KDM4C: variants seen among roughly 807,000 people sequenced by gnomAD.
KDM4C encodes the protein lysine-specific demethylase 4C.
In KDM4C, 81 loss-of-function variants were observed where a neutral mutation model predicts 129.3. The observed-to-expected ratio is 0.63, with a 90% CI of 0.52 to 0.75. KDM4C has a LOEUF of 0.75. Among genes scored for constraint, KDM4C ranks in the 30% least tolerant of loss-of-function variants. The pLI, the probability that KDM4C is intolerant of heterozygous loss-of-function variation, is 0.00. For synonymous variants in KDM4C, 573 were observed against 456.1 expected (o/e 1.26, Z -3.26); for missense variants, 1,457 against 1,304.0 (o/e 1.12, Z -1.81).
intron 8 of KDM4C, among the ~76,000 whole-genome samples, chr9:6,934,793 A>G (rs1417866950): frequency 4.6e-5 from 7 of 152,086 alleles, no homozygotes; most frequent in African/African-American, 1.7e-4. Flanking sequence ...CTTTAATTGG[A>G]TATGAACTGA....
chr9:7,055,035 G>C (rs555793685), intron 17 of KDM4C, among the ~76,000 whole-genome samples: 4 of 152,142 alleles, frequency 2.6e-5, no homozygotes, highest in South Asian at 2.1e-4. Context: ...AAATTAGCCG[G>C]GTGTGGGTGG....
At chr9:6,726,007 A>G (rs1313807569) in intron 1 of KDM4C, among the ~76,000 whole-genome samples, 1 of 150,724 alleles carries the variant, frequency 6.6e-6, no homozygotes, top group Non-Finnish European at 1.5e-5. Context: ...GCTCACTGCA[A>G]CCTCCACCTC....
intron 1 of KDM4C, among the ~76,000 whole-genome samples, chr9:6,733,041 C>A (rs191130598): frequency 1.3e-5 from 2 of 152,086 alleles, no homozygotes; most frequent in East Asian, 3.9e-4. Flanking sequence ...AGTACCACCA[C>A]GTGGTTACAA....
rs1157920055 is a variant in KDM4C, at chr9:6,854,535, AAAAAAAAAAAC to A, written c.629+4847_629+4857del. On this transcript the variant is annotated intron_variant, in intron 5 of 21. Coordinates refer to ENST00000381309, the MANE Select transcript of KDM4C (RefSeq NM_015061.6). The stretch of plus-strand genomic sequence containing the variant: ...AGCGAAACTCCGTCTCAAAAAAAAA[AAAAAAAAAAAC>A]AAAAAAAAAACTAACTTTCAAATTT... Among the ~76,000 whole-genome samples the A allele has an allele frequency of 6.5e-3, 955 of 147,270 alleles. 16 individuals are homozygous for A. The highest frequency in any genetic ancestry group is 0.023 in the African/African-American group (901 of 39,344).
At chr9:6,814,203 A>C (rs995128848) in intron 3 of KDM4C, among the ~76,000 whole-genome samples, 2 of 152,202 alleles carry the variant, frequency 1.3e-5, no homozygotes, top group African/African-American at 4.8e-5. Context: ...TAATAACTGC[A>C]AAATATCTTA....
At chr9:6,766,460 T>A (rs1188756769) in intron 1 of KDM4C, among the ~76,000 whole-genome samples, 1 of 152,054 alleles carries the variant, frequency 6.6e-6, no homozygotes, top group African/African-American at 2.4e-5. Context: ...GTTGGCCCCC[T>A]TTAGTGGGGG....
chr9:7,094,716 T>G (rs1836217446), intron 17 of KDM4C, among the ~76,000 whole-genome samples: 1 of 152,232 alleles, frequency 6.6e-6, no homozygotes, highest in Non-Finnish European at 1.5e-5. Context: ...GGGACATGTC[T>G]GCACTGCATT....
intron 1 of KDM4C, among the ~76,000 whole-genome samples, chr9:6,725,704 TTCTTTTC>T (rs1817100243): frequency 7.2e-6 from 1 of 138,866 alleles, no homozygotes; most frequent in Non-Finnish European, 1.6e-5. Context: ...TTCTTTTCTT[TTCTTTTC>T]TTTTTTTTTT....
chr9:6,827,209 T>A (rs1424280725), intron 4 of KDM4C, among the ~76,000 whole-genome samples: 1 of 152,256 alleles, frequency 6.6e-6, no homozygotes, highest in East Asian at 1.9e-4. Flanking sequence ...TTCCTAGCTG[T>A]GACTTTCAGG....
intron 8 of KDM4C, among the ~76,000 whole-genome samples, chr9:6,950,149 T>A (rs1156804102): frequency 6.8e-6 from 1 of 147,428 alleles, no homozygotes; most frequent in African/African-American, 2.5e-5. Context: ...CAGCATACAA[T>A]GTGATGTTTT....
chr9:6,740,956 C>T lies in KDM4C; in HGVS notation c.49+19959C>T, dbSNP rs765257494. ...GATTCTGCCTCAGTCTCCTGAGTAG[C>T]TGGGACTACAGACGCATGCCACCAT... is the stretch of plus-strand genomic sequence containing the variant. On this transcript the variant is annotated intron_variant, in intron 1 of 17. Transcript: ENST00000536108. 6.6e-5 allele frequency among the ~76,000 whole-genome samples: 10 copies of T among 151,590 alleles called. No individual in the cohort carries two copies. The South Asian group carries it at 1.5e-3, about 22-fold the overall frequency.
intron 17 of KDM4C, among the ~76,000 whole-genome samples, chr9:7,094,537 C>A (rs1836188381): frequency 6.6e-6 from 1 of 152,048 alleles, no homozygotes; most frequent in Non-Finnish European, 1.5e-5. Context: ...CTTGTAGCAA[C>A]CATCTGAGAT....
In KDM4C at chr9:6,763,538, T is replaced by C. The variant is rs1020406119; in HGVS notation, c.-18+5335T>C. On this transcript the variant is annotated intron_variant, in intron 1 of 21. Transcript: ENST00000381309. The stretch of plus-strand genomic sequence containing the variant: ...CCAGAGAAAGGTTCCCACAAAAATA[T>C]TGACAGTAGTTAGTAACTTCTGGGT... 3.9e-5 allele frequency among the ~76,000 whole-genome samples: 6 copies of C among 152,186 alleles called. No homozygotes were observed. The East Asian group carries it at 9.6e-4, about 24-fold the overall frequency.
At chr9:6,865,479 G>A (rs943186231) in intron 5 of KDM4C, among the ~76,000 whole-genome samples, 7 of 152,132 alleles carry the variant, frequency 4.6e-5, no homozygotes, top group African/African-American at 1.7e-4. Flanking sequence ...AGAAGGTCAT[G>A]GTTCCCTGTT....
intron 8 of KDM4C, among the ~76,000 whole-genome samples, chr9:6,944,652 G>GTTTTTTTTTTTTTTCT (rs1826564066): frequency 1.2e-5 from 1 of 80,990 alleles, no homozygotes; most frequent in Non-Finnish European, 2.2e-5. Context: ...CAAGGTAGAG[G>GTTTTTTTTTTTTTTCT]TTTTTTTTTT....
intron 2 of KDM4C, among the ~76,000 whole-genome samples, chr9:6,799,294 A>G (rs1828439821): frequency 1.3e-5 from 2 of 152,222 alleles, no homozygotes; most frequent in Non-Finnish European, 2.9e-5. Context: ...TGAGTTAAGG[A>G]GACTCTGTCT....
chr9:6,927,205 C>T (rs1292594095), intron 8 of KDM4C, among the ~76,000 whole-genome samples: 1 of 152,074 alleles, frequency 6.6e-6, no homozygotes, highest in African/African-American at 2.4e-5. Flanking sequence ...TCTTGGCTCA[C>T]TGCAACCTCC....
intron 1 of KDM4C, among the ~76,000 whole-genome samples, chr9:6,739,038 G>A (rs1446810842): frequency 2.0e-5 from 3 of 150,958 alleles, no homozygotes; most frequent in African/African-American, 7.3e-5. Flanking sequence ...CTCCACATCC[G>A]GATTTTTTCC....
intron 17 of KDM4C, among the ~76,000 whole-genome samples, chr9:7,098,451 G>C (rs1836701024): frequency 6.6e-6 from 1 of 152,194 alleles, no homozygotes; most frequent in African/African-American, 2.4e-5. Flanking sequence ...TTAATGCTCT[G>C]AACTTGGAGT....
Sources: gnomAD v4.1 joint callset for allele counts (sites outside exome capture counted in the v4.1 genomes callset) on GRCh38, gnomAD v4.1.1 for gene constraint, MANE v1.5 for transcripts, NCBI Gene and HGNC (gene_info 2026-07-23, HGNC 2026-07-21) for gene names.